The following ALDH18A1 variants were observed in gnomAD, a reference collection of about 807,000 sequenced individuals.
ALDH18A1 encodes the protein aldehyde dehydrogenase 18 family member A1.
A neutral mutation model predicts 88.8 loss-of-function variants in ALDH18A1; 44 were observed. That is an observed-to-expected ratio of 0.50 (90% CI 0.39 to 0.64). ALDH18A1 has a LOEUF of 0.64. Among genes scored for constraint, ALDH18A1 ranks in the 30% least tolerant of loss-of-function variants. ALDH18A1 has a pLI of 0.00. For missense variants in ALDH18A1, 782 were observed against 1,009.5 expected (o/e 0.77, Z 3.05); for synonymous variants, 331 against 372.1 (o/e 0.89, Z 1.27).
At chr10:95,626,657 G>T in intron 10 of ALDH18A1, 46 bp downstream of exon 10, 2 of 1,582,932 alleles carry the variant, frequency 1.3e-6, no homozygotes, top group South Asian at 2.2e-5. Context: ...TACACAGCAT[G>T]ACTCACTCTG....
At chr10:95,643,635 A>G (rs892435538) in intron 2 of ALDH18A1, among the ~76,000 whole-genome samples, 47 of 152,390 alleles carry the variant, frequency 3.1e-4, no homozygotes, top group Admixed American at 9.8e-4. Context: ...AATAATGTAG[A>G]AAAATACATG....
chr10:95,621,320 CTTT>C (rs766601424), intron 11 of ALDH18A1, 69 bp from the exon 12 acceptor site: 7,290 of 951,878 alleles, frequency 7.7e-3, no homozygotes, highest in East Asian at 0.011. Flanking sequence ...ACCGATGTGT[CTTT>C]TTTTTTTTTT....
chr10:95,617,510 C>T (rs1828899271), intron 12 of ALDH18A1, among the ~76,000 whole-genome samples: 1 of 152,238 alleles, frequency 6.6e-6, no homozygotes, highest in South Asian at 2.1e-4. Context: ...CTGCTGAGAA[C>T]AGAGTCTTTT....
At chr10:95,625,537 TGA>T (rs879347317) in intron 10 of ALDH18A1, 82 bp from the exon 11 acceptor site, 23 of 1,217,212 alleles carry the variant, frequency 1.9e-5, no homozygotes, top group Non-Finnish European at 2.7e-5. Context: ...CCTACTCTTC[TGA>T]GAGTGCCAGG....
intron 2 of ALDH18A1, among the ~76,000 whole-genome samples, chr10:95,648,179 A>G (rs1042183391): frequency 6.6e-6 from 1 of 152,112 alleles, no homozygotes; most frequent in East Asian, 1.9e-4. Flanking sequence ...CCTCAGGGAG[A>G]CAGTGTCAGA....
chr10:95,636,093 A>C (rs1280855892), intron 5 of ALDH18A1, among the ~76,000 whole-genome samples: 1 of 152,202 alleles, frequency 6.6e-6, no homozygotes. Flanking sequence ...ACTTGAGGAC[A>C]CTCTGGTGTA....
Position 95,642,998 on chromosome 10 carries a change from A to G in ALDH18A1, c.297T>C (p.Val99=). 6.2e-7 allele frequency: 1 copy of G among 1,613,390 alleles called. No individual in the cohort carries two copies. The highest frequency in any genetic ancestry group is 8.5e-7 in the Non-Finnish European group (1 of 1,179,888). The change falls in exon 3 of 18, where the codon GTT becomes GTC. Residue 99 remains valine (V), a synonymous_variant. Coordinates refer to ENST00000371224, the MANE Select transcript of ALDH18A1 (RefSeq NM_002860.4). ...GLALGRLASI[V]EQVSVLQNQG... ...TTTCTATCTTGGCAATCACCTGCTCAACAATAGATGCCAAGCGCCCCAGGG... is the reference window on the plus strand; with the variant it reads ...TTTCTATCTTGGCAATCACCTGCTCGACAATAGATGCCAAGCGCCCCAGGG...
chr10:95,611,494 A>T, intron 15 of ALDH18A1, 52 bp from the exon 16 acceptor site: 1 of 1,593,504 alleles, frequency 6.3e-7, no homozygotes, highest in Non-Finnish European at 8.6e-7. Flanking sequence ...TGAAATAAGC[A>T]AGTTCTAGGA....
intron 2 of ALDH18A1, 64 bp from the exon 3 acceptor site, chr10:95,643,270 T>C: frequency 2.0e-6 from 3 of 1,529,036 alleles, no homozygotes; most frequent in Non-Finnish European, 2.7e-6. Context: ...TCAATAAAAA[T>C]ATACATGCTC....
intron 7 of ALDH18A1, 56 bp from the exon 8 acceptor site, chr10:95,628,548 G>A: frequency 6.3e-7 from 1 of 1,596,254 alleles, no homozygotes; most frequent in Admixed American, 1.7e-5. Flanking sequence ...CTCCAAGACA[G>A]GCCTCCCCAG....
chr10:95,625,236 C>T (rs2097858632), intron 11 of ALDH18A1, 126 bp downstream of exon 11: 1 of 857,556 alleles, frequency 1.2e-6, no homozygotes, highest in South Asian at 1.3e-5. Flanking sequence ...AGAAATGATA[C>T]ATAATGTACA....
intron 2 of ALDH18A1, among the ~76,000 whole-genome samples, chr10:95,649,887 T>TAA (rs74369926): frequency 3.2e-5 from 4 of 125,220 alleles, no homozygotes; most frequent in Admixed American, 7.9e-5. Context: ...TCTCAAAAAA[T>TAA]AAAAAAAAAA....
At chr10:95,640,257 C>CA (rs2097888931) in intron 3 of ALDH18A1, among the ~76,000 whole-genome samples, 1 of 151,880 alleles carries the variant, frequency 6.6e-6, no homozygotes, top group African/African-American at 2.4e-5. Context: ...TAGTGGCCTC[C>CA]AAAAATGGCC....
intron 7 of ALDH18A1, among the ~76,000 whole-genome samples, chr10:95,630,572 G>A (rs1473597298): frequency 4.3e-5 from 6 of 140,894 alleles, no homozygotes; most frequent in South Asian, 2.2e-4. Flanking sequence ...TTAGCCAGGC[G>A]TGATAGCGCA....
chr10:95,623,568 C>T (rs535832750), intron 11 of ALDH18A1, among the ~76,000 whole-genome samples: 5 of 151,530 alleles, frequency 3.3e-5, no homozygotes, highest in African/African-American at 1.2e-4. Context: ...CTACCACGGC[C>T]GGCTTTTTTT....
chr10:95,623,824 G>A (rs1198327336), intron 11 of ALDH18A1, among the ~76,000 whole-genome samples: 2 of 151,376 alleles, frequency 1.3e-5, no homozygotes, highest in Non-Finnish European at 2.9e-5. Context: ...CTAGGCCTCC[G>A]AAAGTGCTGG....
Position 95,613,443 on chromosome 10 carries a change from T to A in ALDH18A1, c.1923+299A>T, listed in dbSNP as rs61871788. On this transcript the variant is annotated intron_variant, in intron 15 of 17. Transcript: ENST00000371224. ...TATGCTTGGGAACACCTTGCATATA[T>A]AAGGTTGCCAGAAACAGTTCAGTCA... Among the ~76,000 whole-genome samples the A allele has an allele frequency of 0.42, 63,847 of 152,038 alleles. 15,287 individuals carry two copies. The highest frequency in any genetic ancestry group is 0.54 in the Non-Finnish European group (36,493 of 67,922).
chr10:95,606,752 C>T lies in ALDH18A1; in HGVS notation c.*10G>A. ...CCTTTTGGAAAATTCCCGGGTTTTC[C>T]TGGCTCTTTTCAGTTGGTGTTTCTC... On this transcript the variant is annotated 3_prime_UTR_variant, in exon 18 of 18. Coordinates refer to ENST00000371224, the MANE Select transcript of ALDH18A1 (RefSeq NM_002860.4). 1 of 1,614,128 alleles carries T rather than the reference C, an allele frequency of 6.2e-7. No individual in the cohort carries two copies.
intron 1 of ALDH18A1, among the ~76,000 whole-genome samples, chr10:95,655,563 G>T (rs2097916623): frequency 6.6e-6 from 1 of 151,910 alleles, no homozygotes; most frequent in South Asian, 2.1e-4. Flanking sequence ...ATAAGAGATT[G>T]AAGACTGACG....
Sources: allele counts gnomAD v4.1 joint callset (sites outside exome capture counted in the v4.1 genomes callset), GRCh38; gene constraint gnomAD v4.1.1; transcripts MANE v1.5; gene names NCBI Gene and HGNC (gene_info 2026-07-23, HGNC 2026-07-21).